Variants in TOGARAM2 observed in about 807,000 individuals in gnomAD.
The protein encoded by TOGARAM2 is TOG array regulator of axonemal microtubules protein 2.
Under a neutral mutation model 93.3 loss-of-function variants are expected in TOGARAM2, and 85 were observed. That is an observed-to-expected ratio of 0.91 (90% CI 0.76 to 1.09). The LOEUF (loss-of-function observed/expected upper bound fraction) is 1.09. Ranked by LOEUF, TOGARAM2 falls within the 50% of genes least tolerant of loss-of-function variation. The pLI is 0.00. For missense variants in TOGARAM2, 1,277 were observed against 1,334.5 expected (o/e 0.96, Z 0.67); for synonymous variants, 593 against 552.8 (o/e 1.07, Z -1.02).
chr2:29,014,398 CA>C lies in TOGARAM2; in HGVS notation c.885del (p.Lys295AsnfsTer28). The C allele has an allele frequency of 1.2e-6, 2 of 1,610,414 alleles. No individual in the cohort carries two copies. Among genetic ancestry groups the C allele is most frequent in the South Asian group, 1.1e-5 (1 of 89,986 alleles). ...PREKTPASLE[P>X]KPLASPIRDR... Reference sequence around the variant, plus strand: ...ACCCCTGTTCTCAACCCCTCAGAGCCAAAACCTTTGGCCTCACCCATCAGAG... The same window carrying C: ...ACCCCTGTTCTCAACCCCTCAGAGCCAAACCTTTGGCCTCACCCATCAGAG... On this transcript the variant is annotated frameshift_variant, in exon 8 of 20. Coordinates refer to ENST00000379558, the MANE Select transcript of TOGARAM2 (RefSeq NM_199280.4). LOFTEE classifies it high-confidence loss of function.
intron 6 of TOGARAM2, among the ~76,000 whole-genome samples, chr2:29,004,399 T>C (rs1241418171): frequency 1.3e-5 from 2 of 152,250 alleles, no homozygotes; most frequent in East Asian, 3.8e-4. Flanking sequence ...TGGGGGACAG[T>C]CCACAAACTT....
Position 29,026,901 on chromosome 2 carries a change from T to C in TOGARAM2, c.1902T>C (p.Ala634=), listed in dbSNP as rs745393882. Residue 634 remains alanine, a synonymous_variant, in exon 14 of 20, where the codon GCT becomes GCC. Transcript: ENST00000379558. ...IRKYAAEHLS[A]VLEQIGAEKL... is the part of the protein sequence containing the mutation. Reference sequence around the variant, plus strand: ...AATACGCGGCTGAGCACCTCTCAGCTGTGCTGGAGCAGATCGGCGCTGAGA... The same window carrying C: ...AATACGCGGCTGAGCACCTCTCAGCCGTGCTGGAGCAGATCGGCGCTGAGA... 1 of 1,592,440 alleles carries C rather than the reference T, an allele frequency of 6.3e-7. No individual in the cohort carries two copies. The highest frequency in any genetic ancestry group is 2.3e-5 in the East Asian group (1 of 43,738).
upstream of TOGARAM2, among the ~76,000 whole-genome samples, chr2:28,977,367 G>A (rs1672052480): frequency 6.6e-6 from 1 of 152,242 alleles, no homozygotes; most frequent in South Asian, 2.1e-4. Context: ...CCTACCAGGG[G>A]CCCTTGCTCC....
chr2:29,045,280 C>T, intron 18 of TOGARAM2, 44 bp from the exon 19 acceptor site: 3 of 1,520,180 alleles, frequency 2.0e-6, no homozygotes, highest in Non-Finnish European at 2.7e-6. Context: ...TGCTGTCACT[C>T]AGCCCCCAGC....
At chr2:28,968,682 G>A (rs1671901310) in intron 1 of TOGARAM2, among the ~76,000 whole-genome samples, 1 of 151,978 alleles carries the variant, frequency 6.6e-6, no homozygotes, top group African/African-American at 2.4e-5. Flanking sequence ...AGCTGAGCAT[G>A]GTGGCATGTG....
At chr2:29,022,549 A>G (rs1196206721) in intron 11 of TOGARAM2, among the ~76,000 whole-genome samples, 1 of 152,182 alleles carries the variant, frequency 6.6e-6, no homozygotes. Flanking sequence ...CAAGCAGCCT[A>G]TGCATGGCTC....
At chr2:28,989,583 A>T (rs55697313) in intron 1 of TOGARAM2, among the ~76,000 whole-genome samples, 2 of 150,766 alleles carry the variant, frequency 1.3e-5, no homozygotes, top group African/African-American at 4.9e-5. Context: ...ATTTTTGTAG[A>T]GATGAGGTTT....
intron 1 of TOGARAM2, among the ~76,000 whole-genome samples, chr2:28,982,603 G>T (rs1353086803): frequency 6.6e-6 from 1 of 152,124 alleles, no homozygotes; most frequent in Non-Finnish European, 1.5e-5. Flanking sequence ...AAGAAAGGGG[G>T]AGGTAGTTGG....
intron 6 of TOGARAM2, among the ~76,000 whole-genome samples, chr2:29,006,178 CACATGTGTGT>C (rs1663803023): frequency 5.5e-5 from 4 of 72,616 alleles, no homozygotes; most frequent in African/African-American, 1.2e-4. Context: ...CATGTGTGAC[CACATGTGTGT>C]GCATGTGTGT....
chr2:29,033,097 G>A (rs755871314), intron 15 of TOGARAM2, 46 bp downstream of exon 15: 1 of 1,520,720 alleles, frequency 6.6e-7, no homozygotes, highest in South Asian at 1.2e-5. Flanking sequence ...GGGGGTGGGG[G>A]TGACAGTGCT....
chr2:29,004,944 ATGTGTGTGCATGTGTATG>A (rs1673566102), intron 6 of TOGARAM2, among the ~76,000 whole-genome samples: 2 of 117,680 alleles, frequency 1.7e-5, no homozygotes, highest in Admixed American at 8.4e-5. Context: ...ATGTGTGTGC[ATGTGTGTGCATGTGTATG>A]TGTGTGAGTG....
chr2:29,014,768 T>C (rs2148330152), intron 8 of TOGARAM2, among the ~76,000 whole-genome samples: 1 of 149,518 alleles, frequency 6.7e-6, no homozygotes, highest in East Asian at 2.0e-4. Flanking sequence ...AGGATGGGGG[T>C]CAGAAGCGGG....
rs535826163 is a variant in TOGARAM2, at chr2:29,002,387, C to G, written c.428-149C>G. On this transcript the variant is annotated intron_variant, in intron 4 of 19. Transcript: ENST00000379558. ...CAGAAGTGGCTGCTTGCTCAGTCTACCAGTGGTGGGGTTGGGGACAGATCT... is the reference window on the plus strand; with the variant it reads ...CAGAAGTGGCTGCTTGCTCAGTCTAGCAGTGGTGGGGTTGGGGACAGATCT... The G allele has an allele frequency of 9.8e-5, 65 of 666,586 alleles. No homozygotes were observed. In the East Asian group the frequency reaches 1.7e-3, roughly 18 times the overall value. The allele number at this position is 666,586 out of a possible 1,614,324, so 41.3% of individuals were successfully genotyped here.
intron 19 of TOGARAM2, chr2:29,051,445 A>G (rs184162267): frequency 3.4e-5 from 7 of 207,832 alleles, no homozygotes; most frequent in Admixed American, 1.2e-4. Context: ...AGGAACCATT[A>G]TGATTGTCAG....
chr2:28,956,963 A>G lies in TOGARAM2; in HGVS notation c.-147+266A>G, dbSNP rs929865627. On this transcript the variant is annotated intron_variant, in intron 1 of 6. Transcript: ENST00000401723. The surrounding 1 kb of genome is among the most constrained non-coding windows in gnomAD (Gnocchi z 4.5). Reference sequence around the variant, plus strand: ...AACATGGCGAACCCCTGTCTCTACTAAAAGTACAAAAATTGGCCGGGAATG... The same window carrying G: ...AACATGGCGAACCCCTGTCTCTACTGAAAGTACAAAAATTGGCCGGGAATG... Among the ~76,000 whole-genome samples the G allele has an allele frequency of 1.3e-5, 2 of 151,964 alleles. No individual in the cohort carries two copies. Among genetic ancestry groups the G allele is most frequent in the Non-Finnish European group, 2.9e-5 (2 of 67,998 alleles).
chr2:29,010,724 C>T (rs1012307379), intron 6 of TOGARAM2, among the ~76,000 whole-genome samples: 1 of 151,858 alleles, frequency 6.6e-6, no homozygotes, highest in Admixed American at 6.6e-5. Flanking sequence ...CCTGAGCTCC[C>T]GGAGGGCGGG....
chr2:29,022,315 AG>A lies in TOGARAM2; in HGVS notation c.1511+8del, dbSNP rs753106834. The A allele has an allele frequency of 3.7e-6, 6 of 1,613,710 alleles. No homozygotes were observed. In the East Asian group the frequency reaches 1.3e-4, roughly 36 times the overall value. On this transcript the variant is annotated splice_region_variant and intron_variant, in intron 11 of 19. Transcript: ENST00000379558. Reference sequence around the variant, plus strand: ...GCCTCAACAGCAGTGACTGGTGAGGAGATGCTTCCACCACGTGCTGTGTTCT... The same window carrying A: ...GCCTCAACAGCAGTGACTGGTGAGGAATGCTTCCACCACGTGCTGTGTTCT...
intron 9 of TOGARAM2, 149 bp from the exon 10 acceptor site, chr2:29,017,643 T>C: frequency 1.3e-6 from 1 of 758,998 alleles, no homozygotes; most frequent in Non-Finnish European, 2.0e-6. Context: ...ACTCCTGGCC[T>C]CAAGCCATCC....
rs79092417 is a variant in TOGARAM2, at chr2:28,976,066, T to C, written c.-146-18659T>C. On this transcript the variant is annotated intron_variant, in intron 1 of 6. Transcript: ENST00000401723. Reference sequence around the variant, plus strand: ...CATTTTCCTATTTCTTTGCATGTTCTTATAAAAACATATCAAATTCTGGGC... The same window carrying C: ...CATTTTCCTATTTCTTTGCATGTTCCTATAAAAACATATCAAATTCTGGGC... Among the ~76,000 whole-genome samples the C allele has an allele frequency of 2.6e-3, 394 of 152,350 alleles. 1 individual carries two copies. Among genetic ancestry groups the C allele is most frequent in the African/African-American group, 8.9e-3 (372 of 41,588 alleles).
Sources: gnomAD v4.1 joint callset for allele counts (sites outside exome capture counted in the v4.1 genomes callset) on GRCh38, gnomAD v4.1.1 for gene constraint, Gnocchi (gnomAD v3.1) non-coding constraint, MANE v1.5 for transcripts, NCBI Gene and HGNC (gene_info 2026-07-23, HGNC 2026-07-21) for gene names.